The following TRHDE variants were observed in gnomAD, a reference collection of about 807,000 sequenced individuals.
The protein encoded by TRHDE is thyrotropin-releasing hormone-degrading ectoenzyme.
TRHDE carries 72 observed loss-of-function variants against 125.7 expected under a neutral mutation model. That is an observed-to-expected ratio of 0.57 (90% CI 0.47 to 0.70). The LOEUF is 0.70. TRHDE is among the 30% of genes least tolerant of loss of function. TRHDE has a pLI of 0.00. For synonymous variants in TRHDE, 509 were observed against 509.1 expected, an observed-to-expected ratio of 1.00 and a Z score of 0.00; for missense variants, 1,110 against 1,327.1, an observed-to-expected ratio of 0.84 and a Z score of 2.54.
At chr12:72,159,845 G>A (rs1041782520) in intron 2 of TRHDE, among the ~76,000 whole-genome samples, 1 of 151,834 alleles carries the variant, frequency 6.6e-6, no homozygotes, top group Non-Finnish European at 1.5e-5. Flanking sequence ...TTCTCCCATG[G>A]TGTTTCTTTT....
intron 3 of TRHDE, among the ~76,000 whole-genome samples, chr12:72,460,433 T>C (rs867400271): frequency 3.3e-5 from 5 of 151,830 alleles, no homozygotes; most frequent in Admixed American, 6.6e-5. Context: ...ATAATATGTA[T>C]GCTTTTTGAC....
intron 2 of TRHDE, among the ~76,000 whole-genome samples, chr12:72,244,454 A>G (rs962246810): frequency 2.6e-5 from 4 of 152,132 alleles, no homozygotes; most frequent in Admixed American, 1.3e-4. Context: ...ATCATCATCC[A>G]TGGCTACATG....
At chr12:72,461,854 A>G (rs1455151949) in intron 3 of TRHDE, among the ~76,000 whole-genome samples, 3 of 152,168 alleles carry the variant, frequency 2.0e-5, no homozygotes, top group African/African-American at 4.8e-5. Context: ...GATGCATTCA[A>G]TTCCCCAAGG....
intron 6 of TRHDE, among the ~76,000 whole-genome samples, chr12:72,534,211 G>A (rs1459029947): frequency 6.6e-6 from 1 of 152,162 alleles, no homozygotes; most frequent in Non-Finnish European, 1.5e-5. Context: ...GTAGTTAAAT[G>A]ACCTACATGT....
intron 11 of TRHDE, 37 bp downstream of exon 11, chr12:72,575,425 G>A (rs2136027991): frequency 6.2e-7 from 1 of 1,613,254 alleles, no homozygotes; most frequent in Non-Finnish European, 8.5e-7. Flanking sequence ...ATAATTTTTG[G>A]TATGTGAACA....
chr12:72,092,383 G>C (rs994158264), intron 1 of TRHDE, among the ~76,000 whole-genome samples: 2 of 152,276 alleles, frequency 1.3e-5, no homozygotes, highest in African/African-American at 4.8e-5. Context: ...GAAATTTATT[G>C]GCCCATGTAA....
intron 6 of TRHDE, among the ~76,000 whole-genome samples, chr12:72,503,448 T>C (rs1878236135): frequency 6.6e-6 from 1 of 152,154 alleles, no homozygotes; most frequent in African/African-American, 2.4e-5. Context: ...GTAGAAGAGA[T>C]ATAACAATCA....
chr12:72,396,971 T>C (rs1872818709), intron 3 of TRHDE, among the ~76,000 whole-genome samples: 1 of 152,210 alleles, frequency 6.6e-6, no homozygotes, highest in Non-Finnish European at 1.5e-5. Flanking sequence ...ACTGTGGCTT[T>C]GAAGCCACCT....
chr12:72,605,997 T>C (rs1872426205), intron 12 of TRHDE, among the ~76,000 whole-genome samples: 1 of 152,196 alleles, frequency 6.6e-6, no homozygotes, highest in Non-Finnish European at 1.5e-5. Flanking sequence ...ACAATCTACA[T>C]GAGACAGATG....
At chr12:72,373,965 C>G (rs1388649652) in intron 2 of TRHDE, among the ~76,000 whole-genome samples, 1 of 152,084 alleles carries the variant, frequency 6.6e-6, no homozygotes, top group African/African-American at 2.4e-5. Context: ...TGATTTGAAG[C>G]TCATTTTAAC....
At chr12:72,432,357 A>G (rs1012561267) in intron 3 of TRHDE, among the ~76,000 whole-genome samples, 1 of 152,124 alleles carries the variant, frequency 6.6e-6, no homozygotes, top group African/African-American at 2.4e-5. Context: ...ACCTGTAGCT[A>G]ATTAACATTT....
At chr12:72,634,440 C>G (rs1192844295) in intron 15 of TRHDE, among the ~76,000 whole-genome samples, 1 of 150,158 alleles carries the variant, frequency 6.7e-6, no homozygotes, top group African/African-American at 2.5e-5. Context: ...TTTTTTTTAA[C>G]CAATGCATGA....
At chr12:72,384,420 C>T (rs1182602892) in intron 3 of TRHDE, among the ~76,000 whole-genome samples, 5 of 151,918 alleles carry the variant, frequency 3.3e-5, no homozygotes, top group Non-Finnish European at 5.9e-5. Context: ...ATTAGAGACT[C>T]GCACAATATG....
intron 12 of TRHDE, among the ~76,000 whole-genome samples, chr12:72,587,272 T>G (rs1812212638): frequency 6.6e-6 from 1 of 152,178 alleles, no homozygotes; most frequent in South Asian, 2.1e-4. Context: ...TTAAAATGTT[T>G]TTGAATTCTG....
chr12:72,175,994 A>G (rs1316477125), intron 2 of TRHDE, among the ~76,000 whole-genome samples: 1 of 152,184 alleles, frequency 6.6e-6, no homozygotes, highest in Non-Finnish European at 1.5e-5. Flanking sequence ...GGTCTGAGAG[A>G]GAACTGTGAT....
rs147780666 is a variant in TRHDE, at chr12:72,261,647, T to C, written n.280-116348T>C. Reference sequence around the variant, plus strand: ...TGCTGCTGACATGCTTTCAGTTCCATAGAGTTTGTGGGCAAAATGGTATTA... The same window carrying C: ...TGCTGCTGACATGCTTTCAGTTCCACAGAGTTTGTGGGCAAAATGGTATTA... On this transcript the variant is annotated intron_variant and non_coding_transcript_variant, in intron 2 of 4. Coordinates refer to the TRHDE transcript ENST00000548156. Among the ~76,000 whole-genome samples the C allele has an allele frequency of 1.9e-3, 285 of 152,240 alleles. 5 individuals are homozygous for C. Among genetic ancestry groups the C allele is most frequent in the Non-Finnish European group, 1.9e-4 (13 of 68,006 alleles).
intron 2 of TRHDE, among the ~76,000 whole-genome samples, chr12:72,136,481 A>C (rs1430814107): frequency 6.6e-6 from 1 of 152,222 alleles, no homozygotes; most frequent in East Asian, 1.9e-4. Context: ...CCATTGACCT[A>C]TAAGCAGGTG....
At chr12:72,315,867 T>C (rs994129057) in intron 2 of TRHDE, among the ~76,000 whole-genome samples, 1 of 152,230 alleles carries the variant, frequency 6.6e-6, no homozygotes, top group African/African-American at 2.4e-5. Context: ...TTTAATTACA[T>C]TGTGTGGCCT....
chr12:72,432,783 T>C (rs1660856283), intron 3 of TRHDE, among the ~76,000 whole-genome samples: 1 of 152,176 alleles, frequency 6.6e-6, no homozygotes, highest in Admixed American at 6.5e-5. Flanking sequence ...GGGACAGTTT[T>C]TCTTTCTAAT....
Sources: gnomAD v4.1 joint callset for allele counts (sites outside exome capture counted in the v4.1 genomes callset) on GRCh38, gnomAD v4.1.1 for gene constraint, MANE v1.5 for transcripts, NCBI Gene and HGNC (gene_info 2026-07-23, HGNC 2026-07-21) for gene names.